Variants in PLCB4 observed in about 807,000 individuals in gnomAD.
PLCB4 encodes the protein phospholipase C beta 4, also known as 1-phosphatidylinositol 4,5-bisphosphate phosphodiesterase beta-4.
Under a neutral mutation model 178.8 loss-of-function variants are expected in PLCB4, and 77 were observed. The observed-to-expected ratio is 0.43, with a 90% CI of 0.36 to 0.52. The LOEUF (loss-of-function observed/expected upper bound fraction) is 0.52, where lower values mean the gene tolerates loss of function less well. Among genes scored for constraint, PLCB4 ranks in the 20% least tolerant of loss-of-function variants. The pLI is 0.00. For synonymous variants in PLCB4, 496 were observed against 490.8 expected, an observed-to-expected ratio of 1.01 and a Z score of -0.14; for missense variants, 1,024 against 1,453.4, an observed-to-expected ratio of 0.70 and a Z score of 4.80.
chr20:9,401,079 TG>T (rs1171530499), intron 19 of PLCB4, among the ~76,000 whole-genome samples: 2 of 152,234 alleles, frequency 1.3e-5, no homozygotes, highest in Non-Finnish European at 2.9e-5. Context: ...AATTATCCGA[TG>T]TATTTGTTTT....
chr20:9,335,118 C>T (rs1333941040), intron 4 of PLCB4, among the ~76,000 whole-genome samples: 2 of 152,078 alleles, frequency 1.3e-5, no homozygotes, highest in Non-Finnish European at 2.9e-5. Context: ...TACTTTTGTA[C>T]ACTGTGTACC....
chr20:9,418,679 G>A (rs1359319875), intron 25 of PLCB4, among the ~76,000 whole-genome samples: 1 of 152,016 alleles, frequency 6.6e-6, no homozygotes, highest in Non-Finnish European at 1.5e-5. Context: ...ATGAATTTTA[G>A]GATTAGCTTG....
chr20:9,463,922 A>G (rs1258888410), intron 35 of PLCB4, among the ~76,000 whole-genome samples: 1 of 152,214 alleles, frequency 6.6e-6, no homozygotes, highest in Non-Finnish European at 1.5e-5. Context: ...CTCTTCACCA[A>G]GCAGACCTAA....
intron 19 of PLCB4, among the ~76,000 whole-genome samples, chr20:9,399,635 G>A (rs528475462): frequency 8.9e-4 from 135 of 152,330 alleles, no homozygotes; most frequent in African/African-American, 2.7e-3. Flanking sequence ...TATCAAAATT[G>A]TATGTGGTTA....
intron 3 of PLCB4, among the ~76,000 whole-genome samples, chr20:9,226,550 T>C (rs2093868032): frequency 6.6e-6 from 1 of 152,206 alleles, no homozygotes. Context: ...GTATTACCTT[T>C]TTCATTGGTT....
chr20:9,372,346 A>T lies in PLCB4; in HGVS notation c.629A>T (p.Tyr210Phe), dbSNP rs752833843. ...EPTAFSYEKF[Y>F]ELTQKICPRT... is the part of the protein sequence containing the mutation. Reference sequence around the variant, plus strand: ...ACAGCATTTTCTTATGAAAAGTTCTATGAACTGACACAAAAGATTTGTCCT... The same window carrying T: ...ACAGCATTTTCTTATGAAAAGTTCTTTGAACTGACACAAAAGATTTGTCCT... Residue 210 changes from tyrosine (Y) to phenylalanine (F), a missense_variant, in exon 11 of 40, where the codon TAT (tyrosine) becomes TTT (phenylalanine). Physicochemically the swap from Tyr to Phe is conservative, Grantham distance 22. Transcript: ENST00000378473. 1 of 1,603,994 alleles carries T rather than the reference A, an allele frequency of 6.2e-7. No individual in the cohort carries two copies.
At chr20:9,414,939 G>A (rs1021453535) in intron 25 of PLCB4, among the ~76,000 whole-genome samples, 9 of 152,242 alleles carry the variant, frequency 5.9e-5, no homozygotes, top group East Asian at 1.9e-4. Context: ...CAGGCCGTAC[G>A]TTCTAAGAAC....
At chr20:9,283,016 G>A (rs1174292983) in intron 3 of PLCB4, among the ~76,000 whole-genome samples, 1 of 151,978 alleles carries the variant, frequency 6.6e-6, no homozygotes, top group Non-Finnish European at 1.5e-5. Context: ...GTATCCATGT[G>A]GAACGAAAGT....
intron 21 of PLCB4, 22 bp from the exon 22 acceptor site, chr20:9,407,895 G>A: frequency 6.2e-7 from 1 of 1,602,230 alleles, no homozygotes. Flanking sequence ...CAACTTATAT[G>A]TTTTCTTCCT....
At chr20:9,257,392 T>C (rs1432322914) in intron 3 of PLCB4, among the ~76,000 whole-genome samples, 1 of 152,254 alleles carries the variant, frequency 6.6e-6, no homozygotes, top group Non-Finnish European at 1.5e-5. Context: ...CTAATTATAA[T>C]ACTAAATTAA....
chr20:9,278,738 T>C, intron 3 of PLCB4, among the ~76,000 whole-genome samples: 1 of 151,996 alleles, frequency 6.6e-6, no homozygotes, highest in African/African-American at 2.4e-5. Context: ...TCCAGGGTCC[T>C]CGAAAGTAGC....
intron 2 of PLCB4, among the ~76,000 whole-genome samples, chr20:9,125,771 G>C (rs1177002537): frequency 2.0e-5 from 3 of 152,132 alleles, no homozygotes; most frequent in Non-Finnish European, 2.9e-5. Context: ...GTCTCTATAT[G>C]CGTATACACA....
At chr20:9,393,716 T>C in intron 18 of PLCB4, 38 bp downstream of exon 18, 8 of 1,261,994 alleles carry the variant, frequency 6.3e-6, no homozygotes, top group Non-Finnish European at 9.3e-6. Flanking sequence ...GAAGCATACA[T>C]AACATGTGTG....
At chr20:9,338,454 C>G (rs1182707169) in intron 6 of PLCB4, among the ~76,000 whole-genome samples, 5 of 151,992 alleles carry the variant, frequency 3.3e-5, no homozygotes, top group Admixed American at 2.6e-4. Context: ...CAGAGGGAGG[C>G]AGATCCCTTG....
intron 3 of PLCB4, among the ~76,000 whole-genome samples, chr20:9,285,031 C>T (rs1172757184): frequency 6.6e-6 from 1 of 151,770 alleles, no homozygotes; most frequent in South Asian, 2.1e-4. Flanking sequence ...CATGATAAAA[C>T]ATCCTGCATG....
chr20:9,444,936 C>T (rs2042324464), intron 32 of PLCB4, among the ~76,000 whole-genome samples: 1 of 152,156 alleles, frequency 6.6e-6, no homozygotes, highest in Non-Finnish European at 1.5e-5. Flanking sequence ...CTCACAGCAC[C>T]TAGAGAGAGA....
In PLCB4 at chr20:9,331,812, G is replaced by C. The variant is rs538470725; in HGVS notation, c.85-5314G>C. 2.6e-5 allele frequency among the ~76,000 whole-genome samples: 4 copies of C among 152,282 alleles called. No homozygotes were observed. In the South Asian group the frequency reaches 8.3e-4, roughly 32 times the overall value. On this transcript the variant is annotated intron_variant, in intron 4 of 39. Coordinates refer to ENST00000378473, the MANE Select transcript of PLCB4 (RefSeq NM_001377142.1). ...TTTGATAAGAGAGGGAAGTGTCTCTGTAAGCCTGTAGTGGCACAAACCCCT... is the reference window on the plus strand; with the variant it reads ...TTTGATAAGAGAGGGAAGTGTCTCTCTAAGCCTGTAGTGGCACAAACCCCT...
intron 2 of PLCB4, among the ~76,000 whole-genome samples, chr20:9,162,576 C>T (rs1001780625): frequency 2.0e-5 from 3 of 152,164 alleles, no homozygotes; most frequent in African/African-American, 7.2e-5. Context: ...GGTATTTGCT[C>T]TGGAAACACA....
chr20:9,094,396 A>T (rs1014276026), intron 1 of PLCB4, among the ~76,000 whole-genome samples: 1 of 152,170 alleles, frequency 6.6e-6, no homozygotes. Flanking sequence ...TGATTTTTAA[A>T]ATTTTTGCCT....
Sources: gnomAD v4.1 joint callset for allele counts (sites outside exome capture counted in the v4.1 genomes callset) on GRCh38, gnomAD v4.1.1 for gene constraint, MANE v1.5 for transcripts, NCBI Gene and HGNC (gene_info 2026-07-23, HGNC 2026-07-21) for gene names.